The following FUT9 variants were observed in gnomAD, a reference collection of about 807,000 sequenced individuals.
FUT9 encodes 4-galactosyl-N-acetylglucosaminide 3-alpha-L-fucosyltransferase 9.
FUT9 carries 15 observed loss-of-function variants against 29.7 expected under a neutral mutation model. The ratio of observed to expected loss-of-function variants is 0.51; its 90% CI spans 0.34 to 0.78. The LOEUF is 0.78. Among genes scored for constraint, FUT9 ranks in the 30% least tolerant of loss-of-function variants. The probability of loss-of-function intolerance (pLI) is 0.01; values close to 1 mark genes in which losing one functional copy is unlikely to be tolerated. For missense variants in FUT9, 319 were observed against 425.4 expected, an observed-to-expected ratio of 0.75 and a Z score of 2.20; for synonymous variants, 169 against 153.7, an observed-to-expected ratio of 1.10 and a Z score of -0.74.
In FUT9 at chr6:96,204,405, A is replaced by G. The variant is rs1343420685; in HGVS notation, c.*170A>G. On this transcript the variant is annotated 3_prime_UTR_variant, in exon 3 of 3. Transcript: ENST00000302103. ...GATTTTTAAAAGCTCAGCATGAGCA[A>G]TCATTCCATTCGGTTTTAAATTATC... The G allele has an allele frequency of 4.6e-6, 2 of 438,932 alleles. No homozygotes were observed. Among genetic ancestry groups the G allele is most frequent in the African/African-American group, 4.1e-5 (2 of 49,102 alleles). 27.2% of individuals were successfully genotyped at this position (438,932 alleles called of 1,614,324 possible). A position where few individuals can be genotyped will look rare whatever the true frequency, so the allele number is the denominator to read the frequency against.
chr6:96,147,667 T>G (rs1220476544), intron 2 of FUT9, among the ~76,000 whole-genome samples: 1 of 152,026 alleles, frequency 6.6e-6, no homozygotes, highest in Non-Finnish European at 1.5e-5. Flanking sequence ...TTGCCACTAG[T>G]AGGATCTAGA....
At chr6:96,104,451 A>C (rs1358113444) in intron 1 of FUT9, among the ~76,000 whole-genome samples, 1 of 152,234 alleles carries the variant, frequency 6.6e-6, no homozygotes, top group African/African-American at 2.4e-5. Flanking sequence ...CCATATATGA[A>C]GGATAGATAT....
chr6:96,180,202 T>G (rs1582289367), intron 2 of FUT9, among the ~76,000 whole-genome samples: 1 of 152,172 alleles, frequency 6.6e-6, no homozygotes, highest in East Asian at 1.9e-4. Context: ...GTTTACTGAG[T>G]GTTTGCTATG....
chr6:96,103,047 A>G (rs555254669), intron 1 of FUT9, among the ~76,000 whole-genome samples: 2 of 152,310 alleles, frequency 1.3e-5, no homozygotes, highest in South Asian at 4.1e-4. Flanking sequence ...GGAAAATAGC[A>G]GTCAGAAATA....
chr6:96,065,870 G>A (rs1337662553), intron 1 of FUT9, among the ~76,000 whole-genome samples: 2 of 152,234 alleles, frequency 1.3e-5, no homozygotes, highest in South Asian at 2.1e-4. Flanking sequence ...GATTGTTGTC[G>A]CAAGATAATG....
chr6:96,177,910 C>A (rs918560898), intron 2 of FUT9, among the ~76,000 whole-genome samples: 3 of 152,018 alleles, frequency 2.0e-5, no homozygotes, highest in Non-Finnish European at 4.4e-5. Context: ...AGAATTACAC[C>A]AACCAATAAT....
chr6:96,189,384 T>A (rs1029011739), intron 2 of FUT9, among the ~76,000 whole-genome samples: 21 of 151,952 alleles, frequency 1.4e-4, no homozygotes, highest in African/African-American at 5.1e-4. Flanking sequence ...TTTTATCTTA[T>A]AAGCAATTGG....
intron 2 of FUT9, among the ~76,000 whole-genome samples, chr6:96,147,454 C>A (rs1424681878): frequency 6.6e-6 from 1 of 152,152 alleles, no homozygotes; most frequent in Non-Finnish European, 1.5e-5. Context: ...TAGGCATGAG[C>A]CACTGCACCT....
chr6:96,148,594 G>GC (rs1249409970), intron 2 of FUT9, among the ~76,000 whole-genome samples: 7 of 152,214 alleles, frequency 4.6e-5, no homozygotes, highest in African/African-American at 1.7e-4. Context: ...ATGTTCCAAA[G>GC]CCTGGAGTGG....
intron 1 of FUT9, among the ~76,000 whole-genome samples, chr6:96,107,174 T>C (rs1240737572): frequency 6.6e-6 from 1 of 152,160 alleles, no homozygotes; most frequent in Non-Finnish European, 1.5e-5. Flanking sequence ...AAAATATGCA[T>C]CCACCGTATT....
intron 1 of FUT9, among the ~76,000 whole-genome samples, chr6:96,100,757 C>A (rs11156191): frequency 0.14 from 21,120 of 152,058 alleles, 1,687 homozygotes; most frequent in Non-Finnish European, 0.16. Context: ...AACAGTTTGA[C>A]CTTTGGAATG....
intron 2 of FUT9, among the ~76,000 whole-genome samples, chr6:96,199,689 A>C (rs1773693947): frequency 6.6e-6 from 1 of 152,238 alleles, no homozygotes; most frequent in African/African-American, 2.4e-5. Flanking sequence ...TAATGGGAGT[A>C]ATTCCATAGA....
chr6:96,026,311 T>C (rs1770167354), intron 1 of FUT9, among the ~76,000 whole-genome samples: 1 of 151,658 alleles, frequency 6.6e-6, no homozygotes, highest in Non-Finnish European at 1.5e-5. Context: ...TTATCTGAGA[T>C]TGATGAACCT....
chr6:96,195,003 TGAGTA>T (rs1773596804), intron 2 of FUT9, among the ~76,000 whole-genome samples: 2 of 152,052 alleles, frequency 1.3e-5, no homozygotes, highest in South Asian at 4.1e-4. Context: ...GACTAGTGAT[TGAGTA>T]GAGAGGAGAG....
chr6:96,176,746 G>A (rs1278816369), intron 2 of FUT9, among the ~76,000 whole-genome samples: 2 of 152,090 alleles, frequency 1.3e-5, no homozygotes, highest in African/African-American at 4.8e-5. Context: ...TTGCCCTGCT[G>A]GCTTTGGTTC....
chr6:96,140,902 C>T (rs1772450082), intron 2 of FUT9, among the ~76,000 whole-genome samples: 1 of 152,144 alleles, frequency 6.6e-6, no homozygotes, highest in South Asian at 2.1e-4. Context: ...TACCTAAAAT[C>T]TTCACAGAAA....
intron 2 of FUT9, among the ~76,000 whole-genome samples, chr6:96,199,313 GC>G (rs1240505672): frequency 2.6e-5 from 4 of 152,054 alleles, no homozygotes; most frequent in Admixed American, 1.3e-4. Context: ...TGTCAATTTG[GC>G]CCCAAGAGGC....
chr6:96,037,142 C>A (rs1770377538), intron 1 of FUT9: 1 of 151,934 alleles, frequency 6.6e-6, no homozygotes. Context: ...TGGGTATGGG[C>A]ATTTTTTTAT....
chr6:96,212,082 C>A lies in FUT9; in HGVS notation c.*7847C>A. Reference sequence around the variant, plus strand: ...CATTCCATTTTGATTAATGAGGGTTCAGGAAATAGAAAGGCAGTCTCTGCA... The same window carrying A: ...CATTCCATTTTGATTAATGAGGGTTAAGGAAATAGAAAGGCAGTCTCTGCA... On this transcript the variant is annotated 3_prime_UTR_variant, in exon 3 of 3. Transcript: ENST00000302103. The A allele has an allele frequency of 2.4e-6, 1 of 412,434 alleles. No homozygotes were observed. Among genetic ancestry groups the A allele is most frequent in the South Asian group, 1.3e-4 (1 of 7,834 alleles). The allele number at this position is 412,434 out of a possible 1,614,324, so 25.5% of individuals were successfully genotyped here.
Sources: allele counts gnomAD v4.1 joint callset (sites outside exome capture counted in the v4.1 genomes callset), GRCh38; gene constraint gnomAD v4.1.1; transcripts MANE v1.5; gene names NCBI Gene and HGNC (gene_info 2026-07-23, HGNC 2026-07-21).